The following SHISA9 variants were observed in gnomAD, a reference collection of about 807,000 sequenced individuals.
SHISA9 encodes the protein shisa family member 9.
In SHISA9, 13 loss-of-function variants were observed where a neutral mutation model predicts 38.0. That is an observed-to-expected ratio of 0.34 (90% confidence interval 0.22 to 0.54). SHISA9 has a LOEUF of 0.54. SHISA9 is among the 20% of genes least tolerant of loss of function. The pLI, the probability that SHISA9 is intolerant of heterozygous loss-of-function variation, is 0.91. For missense variants in SHISA9, 538 were observed against 575.8 expected, an observed-to-expected ratio of 0.93 and a Z score of 0.67; for synonymous variants, 275 against 242.0, an observed-to-expected ratio of 1.14 and a Z score of -1.27.
At chr16:12,909,395 T>C (rs1296611825) in intron 1 of SHISA9, 1 of 985,342 alleles carries the variant, frequency 1.0e-6, no homozygotes, top group Non-Finnish European at 1.2e-6. Context: ...GCTCAGGAAC[T>C]CTATTCAAGT....
At chr16:13,459,289 C>T in the SHISA9 span, among the ~76,000 whole-genome samples, 1 of 152,078 alleles carries the variant, frequency 6.6e-6, no homozygotes, top group Non-Finnish European at 1.5e-5. Context: ...AGGATTTTGA[C>T]AAAAACTTTA....
the SHISA9 span, among the ~76,000 whole-genome samples, chr16:13,489,488 A>G: frequency 1.7e-3 from 265 of 152,294 alleles, 1 homozygote; most frequent in African/African-American, 6.1e-3. Context: ...TGTAGCTCCC[A>G]TAATTCCCAC....
chr16:12,907,973 T>C (rs921869766), intron 1 of SHISA9, among the ~76,000 whole-genome samples: 1 of 152,190 alleles, frequency 6.6e-6, no homozygotes, highest in Non-Finnish European at 1.5e-5. Context: ...TAGCGCAGAC[T>C]CCAGTCAGAT....
At chr16:13,026,585 T>A (rs934001573) in intron 2 of SHISA9, among the ~76,000 whole-genome samples, 1 of 152,180 alleles carries the variant, frequency 6.6e-6, no homozygotes, top group African/African-American at 2.4e-5. Flanking sequence ...TTTTTATATA[T>A]CCAGAAATGG....
chr16:13,265,712 T>G, the SHISA9 span, among the ~76,000 whole-genome samples: 1 of 151,930 alleles, frequency 6.6e-6, no homozygotes, highest in Non-Finnish European at 1.5e-5. Context: ...TGATATATGC[T>G]GAGGATAATG....
At chr16:13,463,244 T>G in the SHISA9 span, among the ~76,000 whole-genome samples, 2 of 152,194 alleles carry the variant, frequency 1.3e-5, no homozygotes, top group South Asian at 4.1e-4. Context: ...GAGCATGGCA[T>G]GACCCGTGAG....
chr16:13,507,105 A>G, the SHISA9 span, among the ~76,000 whole-genome samples: 1 of 151,994 alleles, frequency 6.6e-6, no homozygotes, highest in African/African-American at 2.4e-5. Flanking sequence ...TTGATGACTC[A>G]TTGATTGTTT....
At chr16:13,269,259 T>C in the SHISA9 span, among the ~76,000 whole-genome samples, 9 of 152,220 alleles carry the variant, frequency 5.9e-5, no homozygotes, top group African/African-American at 2.2e-4. Context: ...CAGAGAGCCC[T>C]GGATTAAACC....
chr16:13,408,947 G>C, the SHISA9 span, among the ~76,000 whole-genome samples: 1 of 152,186 alleles, frequency 6.6e-6, no homozygotes, highest in Non-Finnish European at 1.5e-5. Context: ...GGCCTTAAGA[G>C]AGAACAGGTA....
intron 3 of SHISA9, among the ~76,000 whole-genome samples, chr16:13,204,059 A>C (rs1411039422): frequency 2.0e-5 from 3 of 152,030 alleles, no homozygotes; most frequent in African/African-American, 7.3e-5. Flanking sequence ...CCATCCTTCT[A>C]TCCATCTACC....
chr16:12,992,361 C>CT (rs1218015062), intron 2 of SHISA9, among the ~76,000 whole-genome samples: 2 of 87,350 alleles, frequency 2.3e-5, no homozygotes, highest in South Asian at 3.4e-4. Context: ...CCCATCTCTA[C>CT]TAAAAAAAAA....
At chr16:13,442,481 T>C in the SHISA9 span, among the ~76,000 whole-genome samples, 1 of 152,104 alleles carries the variant, frequency 6.6e-6, no homozygotes, top group Non-Finnish European at 1.5e-5. Context: ...CTAATTTTTG[T>C]ATTATTATTA....
chr16:12,994,156 G>C (rs1333025667), intron 2 of SHISA9, among the ~76,000 whole-genome samples: 1 of 152,218 alleles, frequency 6.6e-6, no homozygotes, highest in Non-Finnish European at 1.5e-5. Flanking sequence ...AAAAGGTCAT[G>C]TTGGCTGCTG....
chr16:13,000,009 A>G (rs2072504322), intron 2 of SHISA9, among the ~76,000 whole-genome samples: 1 of 152,200 alleles, frequency 6.6e-6, no homozygotes, highest in South Asian at 2.1e-4. Flanking sequence ...TTCGTCTTGA[A>G]TTTCTCATCT....
At chr16:13,210,244 A>G (rs1028229221) in intron 3 of SHISA9, among the ~76,000 whole-genome samples, 4 of 152,110 alleles carry the variant, frequency 2.6e-5, no homozygotes, top group African/African-American at 9.7e-5. Context: ...GCACATTGAC[A>G]TTTATCTTTC....
the SHISA9 span, among the ~76,000 whole-genome samples, chr16:13,343,600 T>C: frequency 6.6e-6 from 1 of 152,150 alleles, no homozygotes; most frequent in African/African-American, 2.4e-5. Context: ...AATCATCAAC[T>C]GCTTTACAAA....
chr16:12,907,659 G>A (rs190405955), intron 1 of SHISA9, among the ~76,000 whole-genome samples: 38 of 152,308 alleles, frequency 2.5e-4, no homozygotes, highest in South Asian at 6.2e-4. Context: ...CCAGCTCATT[G>A]TATTTGGCTG....
the SHISA9 span, among the ~76,000 whole-genome samples, chr16:13,377,813 A>C: frequency 4.6e-5 from 7 of 152,172 alleles, no homozygotes; most frequent in Non-Finnish European, 1.5e-5. Flanking sequence ...GGATCACTTG[A>C]GGTCAGGAGT....
At chr16:13,059,434 T>C (rs1359323901) in intron 2 of SHISA9, among the ~76,000 whole-genome samples, 1 of 152,102 alleles carries the variant, frequency 6.6e-6, no homozygotes, top group African/African-American at 2.4e-5. Flanking sequence ...GCCTATCAGA[T>C]AGACTATTTA....
Sources: gnomAD v4.1 joint callset for allele counts (sites outside exome capture counted in the v4.1 genomes callset) on GRCh38, gnomAD v4.1.1 for gene constraint, MANE v1.5 for transcripts, NCBI Gene and HGNC (gene_info 2026-07-23, HGNC 2026-07-21) for gene names.